Variants in MPDZ observed in about 807,000 individuals in gnomAD.
MPDZ encodes the protein multiple PDZ domain protein.
MPDZ carries 234 observed loss-of-function variants against 239.1 expected under a neutral mutation model. That is an observed-to-expected ratio of 0.98 (90% CI 0.88 to 1.09). The LOEUF (loss-of-function observed/expected upper bound fraction) is 1.09, where lower values mean the gene tolerates loss of function less well. MPDZ is among the 50% of genes least tolerant of loss of function. The probability of loss-of-function intolerance (pLI) is 0.00; values close to 1 mark genes in which losing one functional copy is unlikely to be tolerated. For missense variants in MPDZ, 3,175 were observed against 2,510.0 expected (o/e 1.26, Z -5.66); for synonymous variants, 1,048 against 881.3 (o/e 1.19, Z -3.35).
At chr9:13,123,104 G>A in intron 36 of MPDZ, 49 bp downstream of exon 36, 10 of 1,529,580 alleles carry the variant, frequency 6.5e-6, no homozygotes, top group Non-Finnish European at 8.8e-6. Context: ...CGTCTCTGAG[G>A]CCTGGCTGAA....
chr9:13,122,457 A>C (rs532317721), intron 36 of MPDZ, among the ~76,000 whole-genome samples: 11 of 152,314 alleles, frequency 7.2e-5, no homozygotes, highest in Non-Finnish European at 1.5e-4. Flanking sequence ...TCCATAAATG[A>C]AATCACTTTT....
chr9:13,257,467 T>C (rs1328323388), intron 1 of MPDZ, among the ~76,000 whole-genome samples: 1 of 152,080 alleles, frequency 6.6e-6, no homozygotes, highest in Non-Finnish European at 1.5e-5. Flanking sequence ...TTCCAAACTG[T>C]CTCACAAAAA....
At chr9:13,248,647 G>A (rs899633595) in intron 2 of MPDZ, among the ~76,000 whole-genome samples, 13 of 151,590 alleles carry the variant, frequency 8.6e-5, no homozygotes, top group African/African-American at 2.9e-4. Flanking sequence ...CTATTTAAAC[G>A]TATTTGCCAT....
chr9:13,105,909 CATCT>C lies in MPDZ; in HGVS notation c.*1052_*1055del, dbSNP rs1292722723. 2 of 152,128 alleles carry C rather than the reference CATCT, an allele frequency of 1.3e-5. No individual in the cohort carries two copies. Among genetic ancestry groups the C allele is most frequent in the African/African-American group, 2.4e-5 (1 of 41,424 alleles). The allele number at this position is 152,128 out of a possible 1,614,324, so 9.4% of individuals were successfully genotyped here. The stretch of plus-strand genomic sequence containing the variant: ...CACCAGTTGTCTCAATAAACAGCTC[CATCT>C]GTTTCCCTTAGTCTTAAACTATTGT... On this transcript the variant is annotated 3_prime_UTR_variant, in exon 47 of 47. Transcript: ENST00000319217.
intron 23 of MPDZ, among the ~76,000 whole-genome samples, chr9:13,161,014 G>A (rs1386548358): frequency 2.6e-5 from 4 of 151,210 alleles, no homozygotes; most frequent in Non-Finnish European, 5.9e-5. Context: ...GTGGATTTTG[G>A]TATCCATGGG....
chr9:13,267,230 C>T (rs1431668005), intron 1 of MPDZ, among the ~76,000 whole-genome samples: 1 of 152,158 alleles, frequency 6.6e-6, no homozygotes, highest in African/African-American at 2.4e-5. Flanking sequence ...ATTTTTTAGG[C>T]AATGAAATTG....
In MPDZ at chr9:13,136,770, G is replaced by C; in HGVS notation, c.4234C>G (p.Gln1412Glu). Reference protein sequence around the residue: ...NGQILYGRSHQNASSIIKCAP... With the variant: ...NGQILYGRSHENASSIIKCAP... ...CATTTAATGATTGATGAGGCATTCT[G>C]ATGACTTCTTCCATATAAAATCTGA... The change falls in exon 30 of 47, where the codon CAG becomes GAG. Residue 1412 changes from glutamine (Q) to glutamate (E), a missense_variant. Transcript: ENST00000319217. 6.2e-7 allele frequency: 1 copy of C among 1,602,642 alleles called. No individual in the cohort carries two copies. Among genetic ancestry groups the C allele is most frequent in the Non-Finnish European group, 8.5e-7 (1 of 1,173,512 alleles).
chr9:13,111,156 T>C (rs996277464), intron 43 of MPDZ, among the ~76,000 whole-genome samples: 3 of 152,236 alleles, frequency 2.0e-5, no homozygotes, highest in Non-Finnish European at 2.9e-5. Context: ...TTTGGCCCAC[T>C]GCCTGTTTTG....
rs1019417934 is a variant in MPDZ, at chr9:13,122,034, C to T, written c.5037+53G>A. On this transcript the variant is annotated intron_variant, in intron 37 of 46. Coordinates refer to ENST00000319217, the MANE Select transcript of MPDZ (RefSeq NM_001378778.1). ...AAGAAGCAAAGAAAGAAACACTCCC[C>T]CCAGGAGCCTTTTCTCTGTTAATTT... 3.7e-6 allele frequency: 6 copies of T among 1,604,160 alleles called. No individual in the cohort carries two copies. The African/African-American group carries it at 4.0e-5, about 11-fold the overall frequency.
At position 13,130,719 on chromosome 9, in the gene MPDZ, T is replaced by G. The variant is rs187964945; in HGVS notation, c.4464+3105A>C. ...GTTGGATCTTTAGTGTATGTAGGAT[T>G]TATATAAGTTAAAAGAAATCAGAAA... is the stretch of plus-strand genomic sequence containing the variant. On this transcript the variant is annotated intron_variant, in intron 32 of 46. Coordinates refer to ENST00000319217, the MANE Select transcript of MPDZ (RefSeq NM_001378778.1). Among the ~76,000 whole-genome samples the G allele has an allele frequency of 6.6e-5, 10 of 152,250 alleles. No individual in the cohort carries two copies. The East Asian group carries it at 1.9e-3, about 29-fold the overall frequency.
intron 28 of MPDZ, among the ~76,000 whole-genome samples, chr9:13,139,704 G>A (rs1162010822): frequency 2.0e-5 from 3 of 152,154 alleles, no homozygotes; most frequent in Non-Finnish European, 4.4e-5. Flanking sequence ...CAGAGTGGCT[G>A]ATCCAATACT....
At chr9:13,216,370 T>C (rs1202033806) in intron 10 of MPDZ, among the ~76,000 whole-genome samples, 1 of 148,764 alleles carries the variant, frequency 6.7e-6, no homozygotes, top group African/African-American at 2.5e-5. Context: ...AATAACAGTA[T>C]CATTCTGCTG....
intron 1 of MPDZ, chr9:13,276,722 T>C (rs1974286271): frequency 6.6e-6 from 1 of 152,166 alleles, no homozygotes; most frequent in Admixed American, 6.5e-5. Context: ...AAATTCAGAG[T>C]ACTTTGTACG....
In MPDZ at chr9:13,106,720, C is replaced by A; in HGVS notation, c.*245G>T. ...CATTAGATATCTCCACAAATAAAAACGAGATTCACCTACACAAATATTCCT... is the reference window on the plus strand; with the variant it reads ...CATTAGATATCTCCACAAATAAAAAAGAGATTCACCTACACAAATATTCCT... On this transcript the variant is annotated 3_prime_UTR_variant, in exon 47 of 47. Transcript: ENST00000319217. The A allele has an allele frequency of 2.4e-6, 1 of 413,786 alleles. No individual in the cohort carries two copies. Among genetic ancestry groups the A allele is most frequent in the Non-Finnish European group, 4.4e-6 (1 of 229,250 alleles). The allele number at this position is 413,786 out of a possible 1,614,324, so 25.6% of individuals were successfully genotyped here. A position where few individuals can be genotyped will look rare whatever the true frequency, so the allele number is the denominator to read the frequency against.
At chr9:13,206,499 T>C (rs1429599939) in intron 10 of MPDZ, among the ~76,000 whole-genome samples, 1 of 151,806 alleles carries the variant, frequency 6.6e-6, no homozygotes, top group African/African-American at 2.4e-5. Flanking sequence ...AGCGATCCTC[T>C]CATCGTATCT....
At chr9:13,217,827 A>G (rs941419416) in intron 8 of MPDZ, among the ~76,000 whole-genome samples, 8 of 151,866 alleles carry the variant, frequency 5.3e-5, no homozygotes, top group African/African-American at 1.9e-4. Flanking sequence ...GTCTTAATTC[A>G]TTATTCCTCA....
chr9:13,250,773 G>C (rs1024549856), intron 1 of MPDZ, among the ~76,000 whole-genome samples: 8 of 152,016 alleles, frequency 5.3e-5, no homozygotes, highest in Non-Finnish European at 8.8e-5. Flanking sequence ...AGTAGAAAAT[G>C]TGATCCTGCC....
rs1165227546 is a variant in MPDZ at position 13,205,099 on chromosome 9, C to A, written c.1483G>T (p.Glu495Ter). 2 of 1,415,720 alleles carry A rather than the reference C, an allele frequency of 1.4e-6. No homozygotes were observed. Among genetic ancestry groups the A allele is most frequent in the South Asian group, 1.6e-5 (1 of 63,392 alleles). The allele number at this position is 1,415,720 out of a possible 1,614,324, so 87.7% of individuals were successfully genotyped here. A position where few individuals can be genotyped will look rare whatever the true frequency, so the allele number is the denominator to read the frequency against. ...VNASIIKENY[E>*]KDEDFLSSTR... The stretch of plus-strand genomic sequence containing the variant: ...GAAGATAAAAAATCTTCATCTTTTT[C>A]ATAATTTTCTTAAAGATAAAAATAT... Residue 495 changes from glutamate (E) to a stop codon, truncating the protein, a stop_gained, in exon 12 of 47, where the codon GAA becomes TAA. Transcript: ENST00000319217. LOFTEE classifies it high-confidence loss of function.
In MPDZ at chr9:13,224,552, A is replaced by G; in HGVS notation, c.215T>C (p.Ile72Thr). 6.2e-7 allele frequency: 1 copy of G among 1,611,354 alleles called. No homozygotes were observed. The highest frequency in any genetic ancestry group is 1.3e-5 in the African/African-American group (1 of 74,948). ...VNIATSATSN[I>T]EYAHVPHLSP... is the part of the protein sequence containing the mutation. ...GAGATGAGGAACGTGGGCATATTCA[A>G]TATTTGAAGTTGCTGAAGTTGCAAT... is the stretch of plus-strand genomic sequence containing the variant. The change falls in exon 4 of 47, where the codon ATT becomes ACT. Residue 72 changes from isoleucine (I) to threonine (T), a missense_variant. By Grantham distance (89) the Ile-to-Thr change is moderately conservative. Coordinates refer to ENST00000319217, the MANE Select transcript of MPDZ (RefSeq NM_001378778.1).
Sources: allele counts gnomAD v4.1 joint callset (sites outside exome capture counted in the v4.1 genomes callset), GRCh38; gene constraint gnomAD v4.1.1; transcripts MANE v1.5; gene names NCBI Gene and HGNC (gene_info 2026-07-23, HGNC 2026-07-21).